The following TOP6BL variants were observed in gnomAD, a reference collection of about 807,000 sequenced individuals.
TOP6BL encodes the protein type 2 DNA topoisomerase 6 subunit B-like.
At chr11:66,786,297 TA>T in the TOP6BL span, among the ~76,000 whole-genome samples, 7,333 of 144,534 alleles carry the variant, frequency 0.051, 263 homozygotes, top group African/African-American at 0.11. Flanking sequence ...AACTCTGTCT[TA>T]AAAAAAAAAA....
the TOP6BL span, among the ~76,000 whole-genome samples, chr11:66,819,084 C>G: frequency 6.6e-6 from 1 of 152,122 alleles, no homozygotes; most frequent in South Asian, 2.1e-4. Flanking sequence ...ATAATTTTAC[C>G]TTCTCTTCCC....
chr11:66,781,670 A>G, the TOP6BL span, among the ~76,000 whole-genome samples: 3 of 152,112 alleles, frequency 2.0e-5, no homozygotes, highest in South Asian at 6.2e-4. Flanking sequence ...TTGAGTAGCT[A>G]GGACCCACAG....
the TOP6BL span, chr11:66,744,867 G>A: frequency 3.1e-6 from 4 of 1,310,182 alleles, no homozygotes; most frequent in Non-Finnish European, 3.9e-6. Flanking sequence ...TCGACTGGGC[G>A]TTGCCGCTGT....
At chr11:66,833,825 G>A in the TOP6BL span, among the ~76,000 whole-genome samples, 1 of 152,000 alleles carries the variant, frequency 6.6e-6, no homozygotes, top group Non-Finnish European at 1.5e-5. Flanking sequence ...GCACACCCTT[G>A]TAGTCCCAGC....
the TOP6BL span, chr11:66,801,038 A>G: frequency 4.3e-6 from 7 of 1,613,702 alleles, no homozygotes; most frequent in African/African-American, 5.3e-5. Context: ...CAGGGTGGAG[A>G]ATGAACCCAC....
the TOP6BL span, among the ~76,000 whole-genome samples, chr11:66,753,069 C>G: frequency 7.2e-5 from 11 of 151,986 alleles, no homozygotes; most frequent in Non-Finnish European, 1.0e-4. Context: ...GCGGAGGTTG[C>G]AGTGAGCCAA....
chr11:66,761,574 T>C, the TOP6BL span: 2 of 1,139,570 alleles, frequency 1.8e-6, no homozygotes, highest in Non-Finnish European at 2.4e-6. Flanking sequence ...GTCTGTCTGC[T>C]CTACTGGCTC....
chr11:66,794,927 G>A, the TOP6BL span, among the ~76,000 whole-genome samples: 2 of 152,130 alleles, frequency 1.3e-5, no homozygotes, highest in Non-Finnish European at 2.9e-5. Flanking sequence ...GAGGTGAGGA[G>A]TTCGAGACCA....
the TOP6BL span, among the ~76,000 whole-genome samples, chr11:66,755,100 G>A: frequency 9.3e-5 from 14 of 150,050 alleles, no homozygotes; most frequent in East Asian, 1.4e-3. Context: ...CCTACTAGTC[G>A]TTCTGCTTTG....
the TOP6BL span, among the ~76,000 whole-genome samples, chr11:66,776,076 T>C: frequency 6.6e-6 from 1 of 151,946 alleles, no homozygotes; most frequent in African/African-American, 2.4e-5. Context: ...TTTTTTTTTT[T>C]GAGACAGAGT....
the TOP6BL span, chr11:66,816,238 C>T: frequency 6.3e-7 from 1 of 1,579,370 alleles, no homozygotes; most frequent in Non-Finnish European, 8.6e-7. Context: ...TGGGGTGTGC[C>T]AAATGCTAAG....
At chr11:66,835,023 G>A in the TOP6BL span, among the ~76,000 whole-genome samples, 20 of 151,110 alleles carry the variant, frequency 1.3e-4, no homozygotes, top group Middle Eastern at 3.4e-3. Context: ...CATTGTTTCC[G>A]GCGGGTCGGG....
chr11:66,744,856 T>C, the TOP6BL span: 1 of 1,308,286 alleles, frequency 7.6e-7, no homozygotes, highest in Non-Finnish European at 9.8e-7. Flanking sequence ...GCGGGTACCC[T>C]TCGACTGGGC....
chr11:66,796,488 C>A, the TOP6BL span: 1 of 760,392 alleles, frequency 1.3e-6, no homozygotes, highest in Admixed American at 2.9e-5. Flanking sequence ...ATGATTAAAA[C>A]GTTTAATATT....
the TOP6BL span, among the ~76,000 whole-genome samples, chr11:66,745,505 C>T: frequency 2.0e-5 from 3 of 152,204 alleles, no homozygotes; most frequent in Non-Finnish European, 4.4e-5. Context: ...GAGCGCCTGG[C>T]GCCGGCCACG....
At chr11:66,773,459 T>C in the TOP6BL span, among the ~76,000 whole-genome samples, 1 of 152,180 alleles carries the variant, frequency 6.6e-6, no homozygotes, top group East Asian at 1.9e-4. Flanking sequence ...ATTTTCCTTA[T>C]TATCTTTCTA....
At chr11:66,761,674 G>A in the TOP6BL span, 89 of 999,494 alleles carry the variant, frequency 8.9e-5, no homozygotes, top group Non-Finnish European at 1.3e-4. Context: ...CTGCAAAAAT[G>A]TTGTCCACCC....
chr11:66,805,199 A>C, the TOP6BL span, among the ~76,000 whole-genome samples: 1 of 152,188 alleles, frequency 6.6e-6, no homozygotes, highest in Admixed American at 6.5e-5. Flanking sequence ...ACGACACTGC[A>C]CTCTAGCCTC....
At chr11:66,804,865 T>C in the TOP6BL span, among the ~76,000 whole-genome samples, 1 of 151,834 alleles carries the variant, frequency 6.6e-6, no homozygotes, top group Non-Finnish European at 1.5e-5. Context: ...AGGTCAGGAC[T>C]TGGAGACCAG....
Sources: gnomAD v4.1 joint callset for allele counts (sites outside exome capture counted in the v4.1 genomes callset) on GRCh38, gnomAD v4.1.1 for gene constraint, MANE v1.5 for transcripts, NCBI Gene and HGNC (gene_info 2026-07-23, HGNC 2026-07-21) for gene names.